Variants in SLC25A21 observed in about 807,000 individuals in gnomAD.
SLC25A21 encodes the protein mitochondrial 2-oxodicarboxylate carrier.
SLC25A21 carries 47 observed loss-of-function variants against 43.8 expected under a neutral mutation model. That is an observed-to-expected ratio of 1.07 (90% CI 0.85 to 1.37). The LOEUF (loss-of-function observed/expected upper bound fraction) is 1.37. Among genes scored for constraint, SLC25A21 ranks in the 40% most tolerant of loss-of-function variants. The pLI, the probability that SLC25A21 is intolerant of heterozygous loss-of-function variation, is 0.00. For synonymous variants in SLC25A21, 131 were observed against 121.3 expected, an observed-to-expected ratio of 1.08 and a Z score of -0.52; for missense variants, 352 against 350.2, an observed-to-expected ratio of 1.00 and a Z score of -0.04.
chr14:37,039,480 T>C (rs963881703), intron 1 of SLC25A21, among the ~76,000 whole-genome samples: 1 of 152,182 alleles, frequency 6.6e-6, no homozygotes, highest in Non-Finnish European at 1.5e-5. Flanking sequence ...TAAATTAATT[T>C]TCATTTCCCT....
chr14:36,705,624 C>T (rs1165687688), intron 7 of SLC25A21, among the ~76,000 whole-genome samples: 3 of 152,176 alleles, frequency 2.0e-5, no homozygotes, highest in Non-Finnish European at 4.4e-5. Flanking sequence ...CTCACACACA[C>T]ACAATTCCCC....
At chr14:36,861,449 CAGTT>C (rs1890062506) in intron 2 of SLC25A21, among the ~76,000 whole-genome samples, 1 of 152,190 alleles carries the variant, frequency 6.6e-6, no homozygotes, top group Non-Finnish European at 1.5e-5. Context: ...GTTCAGCTCA[CAGTT>C]AGAGTTTTCT....
chr14:37,066,578 T>C (rs1292872819), intron 1 of SLC25A21, among the ~76,000 whole-genome samples: 1 of 152,160 alleles, frequency 6.6e-6, no homozygotes, highest in Non-Finnish European at 1.5e-5. Flanking sequence ...TATGAAAATA[T>C]CCTTACTCTT....
intron 2 of SLC25A21, among the ~76,000 whole-genome samples, chr14:36,844,189 C>T (rs1889473505): frequency 6.6e-6 from 1 of 152,180 alleles, no homozygotes; most frequent in Admixed American, 6.5e-5. Context: ...TATGAGCATG[C>T]TAATCCAGCA....
intron 7 of SLC25A21, among the ~76,000 whole-genome samples, chr14:36,703,958 T>C (rs150203984): frequency 6.6e-6 from 1 of 152,316 alleles, no homozygotes; most frequent in Non-Finnish European, 1.5e-5. Context: ...GGGGAGAAAG[T>C]ATAATTCTTT....
At chr14:36,993,682 A>G (rs1190647662) in intron 1 of SLC25A21, among the ~76,000 whole-genome samples, 4 of 152,188 alleles carry the variant, frequency 2.6e-5, no homozygotes, top group African/African-American at 9.7e-5. Flanking sequence ...CAGACAATAC[A>G]TCTTATCATC....
At chr14:36,758,385 C>T (rs1886012617) in intron 3 of SLC25A21, among the ~76,000 whole-genome samples, 1 of 152,058 alleles carries the variant, frequency 6.6e-6, no homozygotes, top group Admixed American at 6.5e-5. Flanking sequence ...AGTGTTTGGC[C>T]ACAGAAGACT....
chr14:36,708,153 T>C (rs1243860895), intron 7 of SLC25A21, among the ~76,000 whole-genome samples: 1 of 152,184 alleles, frequency 6.6e-6, no homozygotes, highest in Admixed American at 6.5e-5. Flanking sequence ...AACTCCCTAC[T>C]GTAGGATACT....
At chr14:37,010,954 T>C (rs1487193857) in intron 1 of SLC25A21, among the ~76,000 whole-genome samples, 1 of 152,074 alleles carries the variant, frequency 6.6e-6, no homozygotes, top group Non-Finnish European at 1.5e-5. Context: ...TGGTGCGATC[T>C]TGGCTCACTG....
At chr14:36,848,457 G>T (rs1021668217) in intron 2 of SLC25A21, among the ~76,000 whole-genome samples, 2 of 152,188 alleles carry the variant, frequency 1.3e-5, no homozygotes, top group Non-Finnish European at 2.9e-5. Flanking sequence ...CTGTCCAACA[G>T]CTGTCAGCAG....
chr14:36,929,697 G>T (rs1351409843), intron 1 of SLC25A21, among the ~76,000 whole-genome samples: 13 of 152,044 alleles, frequency 8.6e-5, no homozygotes, highest in Non-Finnish European at 4.4e-5. Context: ...TATAATTATT[G>T]AGTCACATCG....
At chr14:36,902,738 T>A (rs1431009868) in intron 1 of SLC25A21, among the ~76,000 whole-genome samples, 2 of 152,196 alleles carry the variant, frequency 1.3e-5, no homozygotes, top group Non-Finnish European at 2.9e-5. Context: ...GGCTCATGCC[T>A]GTAATTCCAG....
chr14:37,009,769 T>C (rs1308437472), intron 1 of SLC25A21, among the ~76,000 whole-genome samples: 1 of 152,208 alleles, frequency 6.6e-6, no homozygotes, highest in African/African-American at 2.4e-5. Context: ...TGACATCATC[T>C]AGTGGTCCAA....
intron 3 of SLC25A21, among the ~76,000 whole-genome samples, chr14:36,789,887 A>T (rs1451154535): frequency 8.5e-6 from 1 of 117,530 alleles, no homozygotes; most frequent in African/African-American, 3.3e-5. Flanking sequence ...TATTTATATA[A>T]AATATATATT....
At chr14:36,860,355 T>G (rs2138530327) in intron 2 of SLC25A21, among the ~76,000 whole-genome samples, 1 of 152,302 alleles carries the variant, frequency 6.6e-6, no homozygotes, top group South Asian at 2.1e-4. Context: ...GGAAACAGAA[T>G]ATCAGATTAG....
At chr14:36,738,854 T>C (rs1885144079) in intron 3 of SLC25A21, among the ~76,000 whole-genome samples, 1 of 152,246 alleles carries the variant, frequency 6.6e-6, no homozygotes, top group Non-Finnish European at 1.5e-5. Flanking sequence ...TCTGTTGAAA[T>C]CTTACTATGT....
At chr14:36,832,946 G>T (rs1213547432) in intron 2 of SLC25A21, among the ~76,000 whole-genome samples, 1 of 152,044 alleles carries the variant, frequency 6.6e-6, no homozygotes, top group Non-Finnish European at 1.5e-5. Flanking sequence ...TTGTTTATCA[G>T]CATTTAAATA....
intron 1 of SLC25A21, among the ~76,000 whole-genome samples, chr14:36,922,709 T>C (rs1566741249): frequency 6.6e-6 from 1 of 151,990 alleles, no homozygotes; most frequent in Non-Finnish European, 1.5e-5. Context: ...ATGGAAAACA[T>C]GGAACATTCA....
At chr14:36,885,887 C>G (rs953944290) in intron 1 of SLC25A21, among the ~76,000 whole-genome samples, 3 of 152,264 alleles carry the variant, frequency 2.0e-5, no homozygotes, top group African/African-American at 7.2e-5. Context: ...TGTACTACTG[C>G]CACTTCCTTG....
Sources: allele counts gnomAD v4.1 joint callset (sites outside exome capture counted in the v4.1 genomes callset), GRCh38; gene constraint gnomAD v4.1.1; transcripts MANE v1.5; gene names NCBI Gene and HGNC (gene_info 2026-07-23, HGNC 2026-07-21).